Variants in DESI1 observed in about 807,000 individuals in gnomAD.
DESI1 encodes the protein PPPDE peptidase domain containing 2.
Under a neutral mutation model 22.4 loss-of-function variants are expected in DESI1, and 17 were observed. The observed-to-expected ratio is 0.76, with a 90% CI of 0.52 to 1.14. DESI1 has a LOEUF of 1.14. DESI1 is among the 50% of genes most tolerant of loss of function. The pLI, the probability that DESI1 is intolerant of heterozygous loss-of-function variation, is 0.00. For synonymous variants in DESI1, 92 were observed against 84.2 expected, an observed-to-expected ratio of 1.09 and a Z score of -0.51; for missense variants, 177 against 208.9, an observed-to-expected ratio of 0.85 and a Z score of 0.94.
At position 41,604,310 on chromosome 22, in the gene DESI1, A is replaced by C. The variant is rs531564415; in HGVS notation, c.181-157T>G. 9 of 579,210 alleles carry C rather than the reference A, an allele frequency of 1.6e-5. No homozygotes were observed. In the South Asian group the frequency reaches 2.3e-4, roughly 15 times the overall value. The allele number at this position is 579,210 out of a possible 1,614,324, so 35.9% of individuals were successfully genotyped here. A position where few individuals can be genotyped will look rare whatever the true frequency, so the allele number is the denominator to read the frequency against. On this transcript the variant is annotated intron_variant, in intron 3 of 5. Coordinates refer to ENST00000263256, the MANE Select transcript of DESI1 (RefSeq NM_015704.3). ...CTCTCGTCACCCAGGCTGGAGTATAATCTCAGCTCACTGCAACCTCCGCCT... is the reference window on the plus strand; with the variant it reads ...CTCTCGTCACCCAGGCTGGAGTATACTCTCAGCTCACTGCAACCTCCGCCT...
intron 3 of DESI1, among the ~76,000 whole-genome samples, chr22:41,606,355 CAAAA>C (rs57289024): frequency 8.8e-6 from 1 of 114,072 alleles, no homozygotes. Context: ...GACCCCGTCT[CAAAA>C]AAAAAAAAAA....
Position 41,608,960 on chromosome 22 carries a change from T to C in DESI1, c.89-1099A>G, listed in dbSNP as rs572890448. ...GTTTGCCCTGTGCCTTTCTTTTTTTTAGAGGCAGAGTCTCTCTGTTGCCCA... is the reference window on the plus strand; with the variant it reads ...GTTTGCCCTGTGCCTTTCTTTTTTTCAGAGGCAGAGTCTCTCTGTTGCCCA... On this transcript the variant is annotated intron_variant, in intron 1 of 5. Coordinates refer to ENST00000263256, the MANE Select transcript of DESI1 (RefSeq NM_015704.3). Among the ~76,000 whole-genome samples, 17 of 152,282 alleles carry C rather than the reference T, an allele frequency of 1.1e-4. 1 individual carries two copies. The South Asian group carries it at 3.1e-3, about 28-fold the overall frequency.
At chr22:41,607,934 C>T in intron 1 of DESI1, 73 bp from the exon 2 acceptor site, 1 of 1,562,076 alleles carries the variant, frequency 6.4e-7, no homozygotes, top group Non-Finnish European at 8.8e-7. Flanking sequence ...AAATTCATGA[C>T]ATCACTCAAA....
At chr22:41,607,212 G>A in intron 3 of DESI1, 50 bp downstream of exon 3, 1 of 1,493,386 alleles carries the variant, frequency 6.7e-7, no homozygotes, top group Non-Finnish European at 9.0e-7. Context: ...GTCTACAGGA[G>A]CCCCCAGGAA....
chr22:41,616,129 G>A (rs1265660190), intron 1 of DESI1, among the ~76,000 whole-genome samples: 3 of 152,090 alleles, frequency 2.0e-5, no homozygotes, highest in African/African-American at 7.2e-5. Flanking sequence ...TGTAATCCCA[G>A]CTCCTTGGGA....
chr22:41,602,817 T>C (rs1429097280), intron 5 of DESI1: 2 of 1,038,904 alleles, frequency 1.9e-6, no homozygotes, highest in Non-Finnish European at 2.3e-6. Context: ...AACATAGTCG[T>C]TGAGGGAGTC....
At chr22:41,605,051 C>G (rs1289778655) in intron 3 of DESI1, among the ~76,000 whole-genome samples, 1 of 152,208 alleles carries the variant, frequency 6.6e-6, no homozygotes, top group East Asian at 1.9e-4. Context: ...TATGTCTCAT[C>G]ATGAGGACAG....
intron 1 of DESI1, among the ~76,000 whole-genome samples, chr22:41,619,542 A>T (rs1043829429): frequency 3.9e-5 from 6 of 152,178 alleles, no homozygotes; most frequent in African/African-American, 1.2e-4. Context: ...ATATTTAAAG[A>T]GCTATTCTAA....
Position 41,600,837 on chromosome 22 carries a change from G to C in DESI1, c.*260C>G. 2.5e-6 allele frequency: 1 copy of C among 405,190 alleles called. No homozygotes were observed. Among genetic ancestry groups the C allele is most frequent in the South Asian group, 2.6e-5 (1 of 39,080 alleles). The allele number at this position is 405,190 out of a possible 1,614,324, so 25.1% of individuals were successfully genotyped here. ...CTTTCTCCAGTGTGGAGGACGCTTA[G>C]GAAACAGCATCCGAAGTGAACGCAC... On this transcript the variant is annotated 3_prime_UTR_variant, in exon 6 of 6. Coordinates refer to ENST00000263256, the MANE Select transcript of DESI1 (RefSeq NM_015704.3).
intron 1 of DESI1, 75 bp downstream of exon 1, chr22:41,620,677 T>C (rs1239615616): frequency 3.5e-6 from 5 of 1,428,352 alleles, no homozygotes; most frequent in Middle Eastern, 1.8e-4. Context: ...GTGGCCCAAG[T>C]CTCCCCACCT....
chr22:41,601,300 A>C (rs2147036245), intron 5 of DESI1, 110 bp from the exon 6 acceptor site: 1 of 961,508 alleles, frequency 1.0e-6, no homozygotes. Context: ...GTGGCAGCAG[A>C]AGCAGCACCA....
At chr22:41,608,903 C>A (rs916897907) in intron 1 of DESI1, among the ~76,000 whole-genome samples, 2 of 152,168 alleles carry the variant, frequency 1.3e-5, no homozygotes, top group Non-Finnish European at 2.9e-5. Flanking sequence ...GGCGACATGG[C>A]AGATTACTGA....
At chr22:41,620,402 G>A (rs1317110298) in intron 1 of DESI1, among the ~76,000 whole-genome samples, 1 of 152,124 alleles carries the variant, frequency 6.6e-6, no homozygotes, top group Admixed American at 6.6e-5. Flanking sequence ...GAGTGCACTG[G>A]GCTACCCGAG....
At chr22:41,604,263 T>G (rs1017730146) in intron 3 of DESI1, 110 bp from the exon 4 acceptor site, 4 of 931,204 alleles carry the variant, frequency 4.3e-6, no homozygotes, top group African/African-American at 1.7e-5. Context: ...TTTTTTTTTT[T>G]TTTTTTTTTT....
chr22:41,618,166 C>T (rs2067561451), intron 1 of DESI1, among the ~76,000 whole-genome samples: 1 of 152,002 alleles, frequency 6.6e-6, no homozygotes, highest in African/African-American at 2.4e-5. Flanking sequence ...AGTTCAAGAC[C>T]AGCCTGGCAA....
chr22:41,614,908 T>A (rs1412633828), intron 1 of DESI1, among the ~76,000 whole-genome samples: 1 of 151,248 alleles, frequency 6.6e-6, no homozygotes, highest in African/African-American at 2.4e-5. Flanking sequence ...CTTTTTTTTT[T>A]TTTTAACAAA....
At position 41,607,342 on chromosome 22, in the gene DESI1, G is replaced by C. The variant is rs769311086; in HGVS notation, c.111-11C>G. 3.7e-6 allele frequency: 6 copies of C among 1,604,374 alleles called. No homozygotes were observed. The highest frequency in any genetic ancestry group is 1.7e-5 in the Admixed American group (1 of 57,752). On this transcript the variant is annotated splice_polypyrimidine_tract_variant and intron_variant, in intron 2 of 5. Coordinates refer to ENST00000263256, the MANE Select transcript of DESI1 (RefSeq NM_015704.3). Reference sequence around the variant, plus strand: ...ACTATGGATGTGTGCCTGTCACACAGAGAGAGACACAGTAAGCCAGAAAAC... The same window carrying C: ...ACTATGGATGTGTGCCTGTCACACACAGAGAGACACAGTAAGCCAGAAAAC...
chr22:41,604,746 G>A (rs906427501), intron 3 of DESI1, among the ~76,000 whole-genome samples: 8 of 150,266 alleles, frequency 5.3e-5, no homozygotes, highest in African/African-American at 2.0e-4. Flanking sequence ...AAAAAAAAAA[G>A]ATAAAAAAAT....
chr22:41,603,893 T>A (rs1018178570), intron 4 of DESI1, 151 bp downstream of exon 4: 1 of 635,286 alleles, frequency 1.6e-6, no homozygotes, highest in South Asian at 2.2e-5. Context: ...TTTTGTAGCA[T>A]AACTGCCTTT....
Sources: allele counts gnomAD v4.1 joint callset (sites outside exome capture counted in the v4.1 genomes callset), GRCh38; gene constraint gnomAD v4.1.1; transcripts MANE v1.5; gene names NCBI Gene and HGNC (gene_info 2026-07-23, HGNC 2026-07-21).